The following BTBD16 variants were observed in gnomAD, a reference collection of about 807,000 sequenced individuals.
BTBD16 encodes BTB domain containing 16, also known as BTB/POZ domain-containing protein 16.
In BTBD16, 66 loss-of-function variants were observed where a neutral mutation model predicts 67.4. The ratio of observed to expected loss-of-function variants is 0.98; its 90% CI spans 0.80 to 1.20. The LOEUF is 1.20. Ranked by LOEUF, BTBD16 falls within the 50% of genes most tolerant of loss-of-function variation. The pLI is 0.00. For missense variants in BTBD16, 634 were observed against 616.0 expected, an observed-to-expected ratio of 1.03 and a Z score of -0.31; for synonymous variants, 242 against 236.4, an observed-to-expected ratio of 1.02 and a Z score of -0.22.
At chr10:122,300,510 G>C (rs570044612) in intron 9 of BTBD16, among the ~76,000 whole-genome samples, 1 of 152,014 alleles carries the variant, frequency 6.6e-6, no homozygotes, top group East Asian at 1.9e-4. Flanking sequence ...TTAATATTAG[G>C]GAGTAATTTG....
intron 10 of BTBD16, among the ~76,000 whole-genome samples, chr10:122,324,922 G>A (rs1003737454): frequency 3.9e-5 from 6 of 152,218 alleles, no homozygotes; most frequent in Non-Finnish European, 7.3e-5. Context: ...CTGGGTGTAG[G>A]AGTTTCTTAA....
At chr10:122,295,655 G>T (rs548285664) in intron 7 of BTBD16, among the ~76,000 whole-genome samples, 1 of 152,268 alleles carries the variant, frequency 6.6e-6, no homozygotes, top group East Asian at 1.9e-4. Context: ...GGGAGGAGGG[G>T]CACGCTCAAG....
chr10:122,295,071 T>G (rs2096380642), intron 7 of BTBD16, among the ~76,000 whole-genome samples: 1 of 152,180 alleles, frequency 6.6e-6, no homozygotes, highest in Non-Finnish European at 1.5e-5. Flanking sequence ...TGGTGGCATT[T>G]CCAGAACCAG....
At chr10:122,273,221 G>GATAGAT (rs1034902866) in intron 1 of BTBD16, among the ~76,000 whole-genome samples, 1 of 129,470 alleles carries the variant, frequency 7.7e-6, no homozygotes, top group Non-Finnish European at 1.6e-5. Flanking sequence ...GCAACACAAA[G>GATAGAT]ATATATATAT....
intron 9 of BTBD16, among the ~76,000 whole-genome samples, chr10:122,299,513 C>T (rs2096389980): frequency 6.6e-6 from 1 of 151,984 alleles, no homozygotes; most frequent in Non-Finnish European, 1.5e-5. Flanking sequence ...GCGCTGGCAC[C>T]TCTGCTGAAT....
chr10:122,277,442 T>C (rs2096343271), intron 3 of BTBD16, among the ~76,000 whole-genome samples: 1 of 152,158 alleles, frequency 6.6e-6, no homozygotes, highest in South Asian at 2.1e-4. Context: ...TTAGTCTGTT[T>C]GTGTTGCTAT....
chr10:122,329,671 GA>G, intron 11 of BTBD16, 100 bp downstream of exon 11: 2 of 927,242 alleles, frequency 2.2e-6, no homozygotes, highest in Non-Finnish European at 3.3e-6. Context: ...GTTTCCAAGG[GA>G]ATCACCTGAA....
rs538677485 is a variant in BTBD16, at chr10:122,331,131, G to C, written c.1004-45G>C. 1.9e-4 allele frequency: 303 copies of C among 1,597,586 alleles called. No individual in the cohort carries two copies. In the South Asian group the frequency reaches 3.3e-3, roughly 17 times the overall value. On this transcript the variant is annotated intron_variant, in intron 11 of 15. Coordinates refer to ENST00000260723, the MANE Select transcript of BTBD16 (RefSeq NM_144587.5). ...CTGTAAATGAGACTTTTGAGGCTCT[G>C]GTGTGAATAAAACTAAAAAACATTC...
intron 13 of BTBD16, 190 bp downstream of exon 13, chr10:122,332,703 G>A (rs1414255615): frequency 1.5e-6 from 1 of 684,988 alleles, no homozygotes; most frequent in East Asian, 1.3e-4. Flanking sequence ...GGAGGGGCCT[G>A]GGGCGGGCCA....
At chr10:122,287,438 C>T (rs546977908) in intron 5 of BTBD16, 42 of 985,298 alleles carry the variant, frequency 4.3e-5, no homozygotes, top group Non-Finnish European at 4.6e-5. Context: ...GCTAAGACAG[C>T]CACTCTGATC....
chr10:122,316,873 C>T (rs981777943), intron 10 of BTBD16, among the ~76,000 whole-genome samples: 4 of 152,064 alleles, frequency 2.6e-5, no homozygotes, highest in Non-Finnish European at 4.4e-5. Context: ...ACCGCATCTC[C>T]GCCTCTCCGG....
At chr10:122,320,053 A>G (rs947400511) in intron 10 of BTBD16, among the ~76,000 whole-genome samples, 16 of 152,114 alleles carry the variant, frequency 1.1e-4, no homozygotes, top group East Asian at 1.9e-4. Flanking sequence ...TTGACTTTGT[A>G]TTATACAACC....
intron 7 of BTBD16, among the ~76,000 whole-genome samples, chr10:122,293,268 T>A (rs556506451): frequency 2.1e-4 from 32 of 152,322 alleles, no homozygotes; most frequent in African/African-American, 7.7e-4. Context: ...GAGACAGATA[T>A]CTCCTGGGGA....
chr10:122,291,408 A>C, intron 7 of BTBD16: 1 of 482,442 alleles, frequency 2.1e-6, no homozygotes, highest in Non-Finnish European at 3.5e-6. Flanking sequence ...TTTTAACCAA[A>C]CGATTCTCGA....
chr10:122,291,897 G>C (rs956146746), intron 7 of BTBD16, among the ~76,000 whole-genome samples: 7 of 152,156 alleles, frequency 4.6e-5, no homozygotes, highest in Non-Finnish European at 2.9e-5. Flanking sequence ...GGGAGGAGGT[G>C]GTGGGGAACC....
At chr10:122,323,412 T>C (rs190918679) in intron 10 of BTBD16, among the ~76,000 whole-genome samples, 291 of 152,330 alleles carry the variant, frequency 1.9e-3, no homozygotes, top group African/African-American at 6.6e-3. Flanking sequence ...ATGCTCAGGC[T>C]CAGCAGGAGA....
intron 10 of BTBD16, among the ~76,000 whole-genome samples, chr10:122,310,117 G>C (rs1016712546): frequency 1.5e-4 from 23 of 152,184 alleles, no homozygotes; most frequent in African/African-American, 5.5e-4. Flanking sequence ...GGTCTTAAAT[G>C]CTGATGGAAA....
chr10:122,325,882 G>C (rs549715084), intron 10 of BTBD16, among the ~76,000 whole-genome samples: 25 of 151,940 alleles, frequency 1.6e-4, no homozygotes, highest in African/African-American at 5.8e-4. Flanking sequence ...TACCATATTG[G>C]CCAGGCTGGT....
intron 5 of BTBD16, among the ~76,000 whole-genome samples, chr10:122,288,363 G>C (rs1346589913): frequency 1.3e-5 from 2 of 152,234 alleles, no homozygotes; most frequent in African/African-American, 2.4e-5. Context: ...TATTTACTCA[G>C]TGAGAGCCAG....
Sources: gnomAD v4.1 joint callset for allele counts (sites outside exome capture counted in the v4.1 genomes callset) on GRCh38, gnomAD v4.1.1 for gene constraint, MANE v1.5 for transcripts, NCBI Gene and HGNC (gene_info 2026-07-23, HGNC 2026-07-21) for gene names.